TTLL5: variants seen among roughly 807,000 people sequenced by gnomAD.
The protein encoded by TTLL5 is tubulin tyrosine ligase like 5, also known as tubulin polyglutamylase TTLL5.
Under a neutral mutation model 168.4 loss-of-function variants are expected in TTLL5, and 132 were observed. The observed-to-expected ratio is 0.78, with a 90% CI of 0.68 to 0.91. The LOEUF is 0.91. Among genes scored for constraint, TTLL5 ranks in the 40% least tolerant of loss-of-function variants. The probability of loss-of-function intolerance (pLI) is 0.00; values close to 1 mark genes in which losing one functional copy is unlikely to be tolerated. For synonymous variants in TTLL5, 546 were observed against 558.6 expected (o/e 0.98, Z 0.32); for missense variants, 1,545 against 1,581.5 (o/e 0.98, Z 0.39).
intron 9 of TTLL5, among the ~76,000 whole-genome samples, chr14:75,715,871 G>A (rs1680162809): frequency 6.6e-6 from 1 of 151,600 alleles, no homozygotes; most frequent in African/African-American, 2.4e-5. Context: ...AAATGTGTTG[G>A]TACCCGATTC....
chr14:75,789,016 T>G (rs982936774), intron 26 of TTLL5, among the ~76,000 whole-genome samples: 2 of 152,160 alleles, frequency 1.3e-5, no homozygotes, highest in Admixed American at 1.3e-4. Flanking sequence ...TCATGGTACA[T>G]GCAGAAAAAG....
intron 15 of TTLL5, among the ~76,000 whole-genome samples, chr14:75,737,965 T>TTATGAAACATACTGTTGTC (rs1261905993): frequency 6.6e-6 from 1 of 152,174 alleles, no homozygotes; most frequent in Non-Finnish European, 1.5e-5. Context: ...TTCAGACATC[T>TTATGAAACATACTGTTGTC]TATGAAACAT....
rs1265320684 is a variant in TTLL5, at chr14:75,782,506, G to A, written c.2535G>A (p.Met845Ile). ...GAKGDHPETI[M>I]EEVKIKPPKQ... is the part of the protein sequence containing the mutation. ...TTTCAGATCACCCTGAGACTATAATGGAAGAAGTGAAAATAAAGCCACCTA... is the reference window on the plus strand; with the variant it reads ...TTTCAGATCACCCTGAGACTATAATAGAAGAAGTGAAAATAAAGCCACCTA... Residue 845 changes from methionine to isoleucine, a missense_variant, in exon 25 of 32, where the codon ATG (methionine) becomes ATA (isoleucine). Met to Ile is a conservative substitution (Grantham distance 10). Transcript: ENST00000298832. 2.5e-6 allele frequency: 4 copies of A among 1,613,522 alleles called. No individual in the cohort carries two copies. Among genetic ancestry groups the A allele is most frequent in the Middle Eastern group, 1.6e-4 (1 of 6,082 alleles).
At chr14:75,719,905 C>T in intron 11 of TTLL5, 79 bp downstream of exon 11, 3 of 1,447,552 alleles carry the variant, frequency 2.1e-6, no homozygotes, top group Admixed American at 1.7e-5. Flanking sequence ...GAATCATTCT[C>T]TGTTGCTTTG....
At chr14:75,870,868 C>T in intron 29 of TTLL5, among the ~76,000 whole-genome samples, 1 of 150,740 alleles carries the variant, frequency 6.6e-6, no homozygotes. Context: ...GATCTCGGCT[C>T]ACTGCAAGCT....
At chr14:75,713,969 A>G (rs896841155) in intron 9 of TTLL5, among the ~76,000 whole-genome samples, 2 of 149,344 alleles carry the variant, frequency 1.3e-5, no homozygotes, top group Non-Finnish European at 3.0e-5. Flanking sequence ...TTTTTTTTTT[A>G]ATTACAAAAG....
intron 27 of TTLL5, among the ~76,000 whole-genome samples, chr14:75,796,480 G>A (rs1032228841): frequency 1.1e-4 from 17 of 151,998 alleles, no homozygotes; most frequent in Non-Finnish European, 2.1e-4. Flanking sequence ...TTGGGGTCTT[G>A]GCCATGAAGT....
At chr14:75,747,984 A>G (rs1484926718) in intron 17 of TTLL5, among the ~76,000 whole-genome samples, 1 of 152,100 alleles carries the variant, frequency 6.6e-6, no homozygotes, top group African/African-American at 2.4e-5. Flanking sequence ...TAGAAATTAG[A>G]TTTCTCTTGT....
chr14:75,917,828 G>T (rs1214070189), intron 31 of TTLL5, among the ~76,000 whole-genome samples: 1 of 152,216 alleles, frequency 6.6e-6, no homozygotes, highest in Non-Finnish European at 1.5e-5. Context: ...AAAGCCGAGA[G>T]GGCTTGGGAA....
chr14:75,910,847 T>G (rs2033349273), intron 31 of TTLL5, among the ~76,000 whole-genome samples: 1 of 152,224 alleles, frequency 6.6e-6, no homozygotes, highest in Admixed American at 6.5e-5. Flanking sequence ...TCTTAAGTCC[T>G]CAAAATGAAG....
At chr14:75,730,546 A>G (rs2140229292) in intron 12 of TTLL5, among the ~76,000 whole-genome samples, 1 of 152,314 alleles carries the variant, frequency 6.6e-6, no homozygotes, top group East Asian at 1.9e-4. Flanking sequence ...AATTTTCCCT[A>G]GAGGATTTAG....
At chr14:75,914,033 A>AAAATATATATATATAT in intron 31 of TTLL5, among the ~76,000 whole-genome samples, 1 of 71,100 alleles carries the variant, frequency 1.4e-5, no homozygotes, top group African/African-American at 1.6e-4. Context: ...AAAAAAAAAA[A>AAAATATATATATATAT]ATATATATAT....
rs1370620264 is a variant in TTLL5, at chr14:75,820,146, G to A, written c.3311G>A (p.Ser1104Asn). The part of the protein sequence containing the change: ...SDPQAPENHS[S>N]SPGSRSLQTG... ...CCCCAAGCTCCCGAGAATCACTCCA[G>A]CTCTCCTGGAAGCAGGTATGTGAAG... The change falls in exon 28 of 32, where the codon AGC (serine) becomes AAC (asparagine). Residue 1104 changes from serine (S) to asparagine (N), a missense_variant. Coordinates refer to ENST00000298832, the MANE Select transcript of TTLL5 (RefSeq NM_015072.5). The A allele has an allele frequency of 6.3e-7, 1 of 1,592,766 alleles. No individual in the cohort carries two copies.
chr14:75,910,716 T>C (rs1190649162), intron 31 of TTLL5, among the ~76,000 whole-genome samples: 1 of 152,220 alleles, frequency 6.6e-6, no homozygotes, highest in African/African-American at 2.4e-5. Flanking sequence ...AAAGTGTAGG[T>C]AGATAATAGC....
chr14:75,693,589 A>C (rs577322262), intron 6 of TTLL5, among the ~76,000 whole-genome samples: 1 of 152,360 alleles, frequency 6.6e-6, no homozygotes, highest in East Asian at 1.9e-4. Context: ...TACAGTATTT[A>C]GTAGAATAGA....
At chr14:75,675,795 G>T (rs980494052) in intron 3 of TTLL5, among the ~76,000 whole-genome samples, 2 of 152,166 alleles carry the variant, frequency 1.3e-5, no homozygotes, top group African/African-American at 4.8e-5. Flanking sequence ...TATTAGTCAG[G>T]GTGTTCCAGA....
intron 9 of TTLL5, among the ~76,000 whole-genome samples, chr14:75,717,458 T>C (rs1887543929): frequency 6.6e-6 from 1 of 152,184 alleles, no homozygotes. Context: ...TTTCACAGTA[T>C]CCTACACACA....
chr14:75,745,087 C>T lies in TTLL5; in HGVS notation c.1282-8C>T. On this transcript the variant is annotated splice_polypyrimidine_tract_variant and splice_region_variant and intron_variant, in intron 15 of 31. Coordinates refer to ENST00000298832, the MANE Select transcript of TTLL5 (RefSeq NM_015072.5). The stretch of plus-strand genomic sequence containing the variant: ...TTTTTTTTACTATTTTCATTTTCTT[C>T]TCCTTAGCGTTGCCGTCCACTCTCT... The T allele has an allele frequency of 6.2e-7, 1 of 1,611,912 alleles. No individual in the cohort carries two copies.
At chr14:75,694,554 G>A (rs536735807) in intron 6 of TTLL5, among the ~76,000 whole-genome samples, 3 of 152,162 alleles carry the variant, frequency 2.0e-5, no homozygotes, top group East Asian at 1.9e-4. Context: ...GGCTAGTCTC[G>A]AACTCCTGAC....
Sources: allele counts gnomAD v4.1 joint callset (sites outside exome capture counted in the v4.1 genomes callset), GRCh38; gene constraint gnomAD v4.1.1; transcripts MANE v1.5; gene names NCBI Gene and HGNC (gene_info 2026-07-23, HGNC 2026-07-21).